Variants in CCDC69 observed in about 807,000 individuals in gnomAD.
CCDC69 encodes the protein coiled-coil domain-containing protein 69.
Under a neutral mutation model 40.3 loss-of-function variants are expected in CCDC69, and 38 were observed. The observed-to-expected ratio is 0.94, with a 90% CI of 0.73 to 1.24. The LOEUF (loss-of-function observed/expected upper bound fraction) is 1.24. Ranked by LOEUF, CCDC69 falls within the 50% of genes most tolerant of loss-of-function variation. The pLI, the probability that CCDC69 is intolerant of heterozygous loss-of-function variation, is 0.00. For missense variants in CCDC69, 389 were observed against 357.9 expected (o/e 1.09, Z -0.70); for synonymous variants, 141 against 138.9 (o/e 1.02, Z -0.11).
chr5:151,186,146 A>T, intron 5 of CCDC69, 22 bp from the exon 6 acceptor site: 3 of 1,514,304 alleles, frequency 2.0e-6, no homozygotes, highest in Non-Finnish European at 2.8e-6. Flanking sequence ...AGTGGGATGG[A>T]GACAATCAAA....
chr5:151,217,457 T>C (rs994812261), intron 1 of CCDC69, among the ~76,000 whole-genome samples: 2 of 152,202 alleles, frequency 1.3e-5, no homozygotes, highest in Non-Finnish European at 2.9e-5. Flanking sequence ...GATATGAAAG[T>C]TTCCTAAAGC....
intron 2 of CCDC69, among the ~76,000 whole-genome samples, chr5:151,204,085 A>G (rs1752819104): frequency 6.6e-6 from 1 of 151,658 alleles, no homozygotes; most frequent in Non-Finnish European, 1.5e-5. Flanking sequence ...GTTGGAGTGC[A>G]GTGGTGTGAT....
chr5:151,207,296 T>A (rs534062270), intron 1 of CCDC69, among the ~76,000 whole-genome samples: 3 of 151,548 alleles, frequency 2.0e-5, no homozygotes, highest in Admixed American at 6.6e-5. Flanking sequence ...AGATTATTAT[T>A]ATTATTATTA....
chr5:151,209,196 T>C (rs1004087153), intron 1 of CCDC69, among the ~76,000 whole-genome samples: 1 of 152,186 alleles, frequency 6.6e-6, no homozygotes, highest in Admixed American at 6.5e-5. Flanking sequence ...TCTTTTAGGA[T>C]GAGATGAAAT....
At chr5:151,184,483 G>A (rs753845383) in intron 7 of CCDC69, 42 bp from the exon 8 acceptor site, 310 of 1,301,794 alleles carry the variant, frequency 2.4e-4, no homozygotes, top group Non-Finnish European at 3.1e-4. Context: ...CCAAACTCAC[G>A]CTGCACGATG....
intron 4 of CCDC69, among the ~76,000 whole-genome samples, chr5:151,192,087 G>GAAAA (rs34310340): frequency 8.5e-4 from 33 of 38,770 alleles, no homozygotes; most frequent in African/African-American, 1.1e-3. Context: ...CCTGTCTCAG[G>GAAAA]AAAAAAAAAA....
At chr5:151,185,737 C>T (rs985609660) in intron 6 of CCDC69, among the ~76,000 whole-genome samples, 196 bp from the exon 7 acceptor site, 1 of 152,206 alleles carries the variant, frequency 6.6e-6, no homozygotes, top group Non-Finnish European at 1.5e-5. Context: ...GATGAGGAGA[C>T]TGTGGTTCGG....
At position 151,183,414 on chromosome 5, in the gene CCDC69, G is replaced by A. The variant is rs537170171; in HGVS notation, c.*23C>T. On this transcript the variant is annotated 3_prime_UTR_variant, in exon 9 of 9. Coordinates refer to ENST00000355417, the MANE Select transcript of CCDC69 (RefSeq NM_015621.3). ...GGAAGGAGCTGTGACTTCAGGCGTCGTGGTGGGCCCAGGCCCTGCACCCTA... is the reference window on the plus strand; with the variant it reads ...GGAAGGAGCTGTGACTTCAGGCGTCATGGTGGGCCCAGGCCCTGCACCCTA... The A allele has an allele frequency of 3.5e-5, 56 of 1,590,390 alleles. No homozygotes were observed. The highest frequency in any genetic ancestry group is 2.5e-4 in the East Asian group (11 of 44,096).
chr5:151,205,546 G>A (rs1231870640), intron 1 of CCDC69, 71 bp from the exon 2 acceptor site: 2 of 1,288,574 alleles, frequency 1.6e-6, no homozygotes, highest in East Asian at 2.3e-5. Context: ...GGCTGCTATA[G>A]TGGGACTCTT....
At chr5:151,193,619 T>C (rs942991124) in intron 4 of CCDC69, among the ~76,000 whole-genome samples, 1 of 152,006 alleles carries the variant, frequency 6.6e-6, no homozygotes, top group African/African-American at 2.4e-5. Context: ...ATTATATGGA[T>C]CTTAGATCTA....
chr5:151,215,877 G>A (rs2114003477), intron 1 of CCDC69, among the ~76,000 whole-genome samples: 1 of 152,256 alleles, frequency 6.6e-6, no homozygotes, highest in African/African-American at 2.4e-5. Context: ...ATATACTCAG[G>A]GACATAATAC....
Position 151,183,173 on chromosome 5 carries a change from G to A in CCDC69, c.*264C>T, listed in dbSNP as rs1213519565. 3.2e-6 allele frequency: 2 copies of A among 619,984 alleles called. No homozygotes were observed. The highest frequency in any genetic ancestry group is 1.8e-5 in the African/African-American group (1 of 55,382). The allele number at this position is 619,984 out of a possible 1,614,324, so 38.4% of individuals were successfully genotyped here. Reference sequence around the variant, plus strand: ...GGAACTTCTCGGATTGGGACAGAGTGCTGGGGCAGGGAGGAAATGTCTCCT... The same window carrying A: ...GGAACTTCTCGGATTGGGACAGAGTACTGGGGCAGGGAGGAAATGTCTCCT... On this transcript the variant is annotated 3_prime_UTR_variant, in exon 9 of 9. Transcript: ENST00000355417.
intron 1 of CCDC69, among the ~76,000 whole-genome samples, chr5:151,219,106 T>G (rs544054808): frequency 6.6e-6 from 1 of 152,324 alleles, no homozygotes. Context: ...TCGGAGGCCA[T>G]GTACATGCCA....
intron 4 of CCDC69, 77 bp downstream of exon 4, chr5:151,198,920 C>T (rs1752739225): frequency 4.8e-6 from 5 of 1,041,992 alleles, no homozygotes; most frequent in Non-Finnish European, 7.6e-6. Flanking sequence ...AGTGGGAGTG[C>T]CCAGGTGAAC....
intron 8 of CCDC69, 119 bp from the exon 9 acceptor site, chr5:151,183,733 C>G: frequency 1.1e-6 from 1 of 875,102 alleles, no homozygotes; most frequent in East Asian, 2.6e-5. Context: ...GTCCCCACTG[C>G]CCTCCTTGTT....
At chr5:151,194,888 T>C (rs1482298685) in intron 4 of CCDC69, among the ~76,000 whole-genome samples, 1 of 61,744 alleles carries the variant, frequency 1.6e-5, no homozygotes, top group African/African-American at 6.9e-5. Context: ...CGAGCCTCCA[T>C]CTCAAAAAAA....
Position 151,205,457 on chromosome 5 carries a change from G to T in CCDC69, c.67C>A (p.Pro23Thr). The change falls in exon 2 of 9, where the codon CCA becomes ACA. Residue 23 changes from proline to threonine, a missense_variant. Pro to Thr is a conservative substitution (Grantham distance 38). Transcript: ENST00000355417. ...PPKKKRQEPE[P>T]EQPPRPEPHE... ...GGCTCTGGTCTGGGTGGCTGTTCTG[G>T]TTCTGGTTCTTGGCGCTTCTGGAAG... 6.2e-7 allele frequency: 1 copy of T among 1,614,162 alleles called. No individual in the cohort carries two copies. Among genetic ancestry groups the T allele is most frequent in the Non-Finnish European group, 8.5e-7 (1 of 1,180,018 alleles).
intron 4 of CCDC69, among the ~76,000 whole-genome samples, chr5:151,194,070 G>T (rs1561599664): frequency 6.6e-6 from 1 of 152,226 alleles, no homozygotes; most frequent in African/African-American, 2.4e-5. Context: ...GCAAGTATTG[G>T]CATGAAGTAG....
At chr5:151,184,850 C>A in intron 7 of CCDC69, 1 of 163,268 alleles carries the variant, frequency 6.1e-6, no homozygotes, top group Non-Finnish European at 1.3e-5. Context: ...GTGGGTGATT[C>A]CATGTCACGT....
Sources: gnomAD v4.1 joint callset for allele counts (sites outside exome capture counted in the v4.1 genomes callset) on GRCh38, gnomAD v4.1.1 for gene constraint, MANE v1.5 for transcripts, NCBI Gene and HGNC (gene_info 2026-07-23, HGNC 2026-07-21) for gene names.